Variants in ENTREP2 observed in about 807,000 individuals in gnomAD.
The protein encoded by ENTREP2 is protein ENTREP2.
chr15:29,350,812 G>A, the ENTREP2 span, among the ~76,000 whole-genome samples: 23 of 152,186 alleles, frequency 1.5e-4, no homozygotes, highest in African/African-American at 4.8e-4. Context: ...GCATGGTGGC[G>A]TGCGCCTGTA....
At chr15:29,139,827 C>T in the ENTREP2 span, among the ~76,000 whole-genome samples, 1 of 152,218 alleles carries the variant, frequency 6.6e-6, no homozygotes, top group African/African-American at 2.4e-5. Flanking sequence ...TGACGTCTCC[C>T]CTCTCTTCCC....
At chr15:29,484,823 T>C in the ENTREP2 span, among the ~76,000 whole-genome samples, 4 of 152,210 alleles carry the variant, frequency 2.6e-5, 1 homozygote, top group South Asian at 8.3e-4. Context: ...TTGACTATGA[T>C]ATGGAAAAAA....
the ENTREP2 span, among the ~76,000 whole-genome samples, chr15:29,287,383 C>CAAAAA: frequency 8.8e-6 from 1 of 113,114 alleles, no homozygotes; most frequent in African/African-American, 3.9e-5. Flanking sequence ...GCAAGACCAG[C>CAAAAA]AAAAAAAAAA....
chr15:29,233,193 T>G, the ENTREP2 span, among the ~76,000 whole-genome samples: 1 of 152,208 alleles, frequency 6.6e-6, no homozygotes, highest in African/African-American at 2.4e-5. Flanking sequence ...TTCTGATTGA[T>G]AGCTTTTGAG....
At chr15:29,645,033 A>G in the ENTREP2 span, among the ~76,000 whole-genome samples, 3 of 152,182 alleles carry the variant, frequency 2.0e-5, no homozygotes, top group Admixed American at 6.5e-5. Context: ...ACTGGGAAAC[A>G]CGGCAAGGTG....
At chr15:29,199,922 T>A in the ENTREP2 span, among the ~76,000 whole-genome samples, 2 of 152,234 alleles carry the variant, frequency 1.3e-5, no homozygotes, top group African/African-American at 4.8e-5. Flanking sequence ...GGGATGAGGT[T>A]GACTATTTTT....
At chr15:29,132,612 G>A in the ENTREP2 span, among the ~76,000 whole-genome samples, 2 of 152,236 alleles carry the variant, frequency 1.3e-5, no homozygotes, top group Non-Finnish European at 2.9e-5. Context: ...GAATTCCCCA[G>A]AGTTCTGGAG....
chr15:29,400,745 C>T, the ENTREP2 span, among the ~76,000 whole-genome samples: 13 of 152,302 alleles, frequency 8.5e-5, no homozygotes, highest in African/African-American at 2.9e-4. Flanking sequence ...ACGTTTATGG[C>T]TAAAAAAACC....
At chr15:29,588,787 T>TA in the ENTREP2 span, among the ~76,000 whole-genome samples, 60 of 151,978 alleles carry the variant, frequency 3.9e-4, no homozygotes, top group African/African-American at 1.2e-3. Flanking sequence ...CACTTGAGCT[T>TA]AGAGTTCTGG....
the ENTREP2 span, among the ~76,000 whole-genome samples, chr15:29,164,854 C>A: frequency 6.6e-6 from 1 of 152,138 alleles, no homozygotes; most frequent in Non-Finnish European, 1.5e-5. Flanking sequence ...CAGAACATTT[C>A]ATCCAACAAC....
At chr15:29,445,981 G>A in the ENTREP2 span, among the ~76,000 whole-genome samples, 2 of 152,306 alleles carry the variant, frequency 1.3e-5, no homozygotes, top group African/African-American at 4.8e-5. Flanking sequence ...ACATCTGGGC[G>A]ACCAGAGAAG....
the ENTREP2 span, among the ~76,000 whole-genome samples, chr15:29,271,400 CATATTGTTTT>C: frequency 1.2e-4 from 18 of 152,288 alleles, no homozygotes; most frequent in South Asian, 8.3e-4. Flanking sequence ...GAGACCGTCT[CATATTGTTTT>C]ATATTGTTTT....
the ENTREP2 span, among the ~76,000 whole-genome samples, chr15:29,310,127 G>C: frequency 2.6e-5 from 4 of 152,214 alleles, no homozygotes; most frequent in African/African-American, 9.6e-5. Flanking sequence ...AACTAGAAAG[G>C]GGGGGCAGGA....
the ENTREP2 span, among the ~76,000 whole-genome samples, chr15:29,438,627 A>G: frequency 6.6e-6 from 1 of 151,930 alleles, no homozygotes; most frequent in African/African-American, 2.4e-5. Flanking sequence ...CTGAATCCCC[A>G]GCTATCCTGT....
chr15:29,641,861 A>G, the ENTREP2 span, among the ~76,000 whole-genome samples: 1 of 151,880 alleles, frequency 6.6e-6, no homozygotes, highest in Non-Finnish European at 1.5e-5. Context: ...AAGAAATTAG[A>G]AAAACAAATT....
the ENTREP2 span, among the ~76,000 whole-genome samples, chr15:29,197,003 C>T: frequency 1.3e-5 from 2 of 152,164 alleles, no homozygotes; most frequent in Non-Finnish European, 2.9e-5. Flanking sequence ...CCAACTCCAG[C>T]GCCACCCTCG....
At chr15:29,220,880 T>C in the ENTREP2 span, among the ~76,000 whole-genome samples, 1 of 152,218 alleles carries the variant, frequency 6.6e-6, no homozygotes, top group African/African-American at 2.4e-5. Context: ...TGGTCTTCAT[T>C]TCGTCATATT....
the ENTREP2 span, among the ~76,000 whole-genome samples, chr15:29,317,414 T>C: frequency 1.3e-5 from 2 of 152,148 alleles, no homozygotes; most frequent in African/African-American, 2.4e-5. Flanking sequence ...TCCTGGTAAA[T>C]AGAATAATTT....
chr15:29,322,090 T>G, the ENTREP2 span, among the ~76,000 whole-genome samples: 1 of 152,132 alleles, frequency 6.6e-6, no homozygotes, highest in Non-Finnish European at 1.5e-5. Flanking sequence ...AAGGAATAAA[T>G]GAAGGTAAAA....
Sources: gnomAD v4.1 joint callset for allele counts (sites outside exome capture counted in the v4.1 genomes callset) on GRCh38, gnomAD v4.1.1 for gene constraint, MANE v1.5 for transcripts, NCBI Gene and HGNC (gene_info 2026-07-23, HGNC 2026-07-21) for gene names.